DLG2: variants seen among roughly 807,000 people sequenced by gnomAD.
DLG2 encodes the protein disks large homolog 2.
A neutral mutation model predicts 132.5 loss-of-function variants in DLG2; 45 were observed. The observed-to-expected ratio is 0.34, with a 90% CI of 0.27 to 0.44. DLG2 has a LOEUF of 0.44. Ranked by LOEUF, DLG2 falls within the 20% of genes least tolerant of loss-of-function variation. DLG2 has a pLI of 1.00. For missense variants in DLG2, 1,045 were observed against 1,196.9 expected, an observed-to-expected ratio of 0.87 and a Z score of 1.87; for synonymous variants, 424 against 419.6, an observed-to-expected ratio of 1.01 and a Z score of -0.13.
At position 84,714,597 on chromosome 11, in the gene DLG2, CTT is replaced by C. The variant is rs1491204753; in HGVS notation, c.358-179868_358-179867del. 6.8e-3 allele frequency among the ~76,000 whole-genome samples: 750 copies of C among 109,880 alleles called. 29 individuals are homozygous for C. Among genetic ancestry groups the C allele is most frequent in the African/African-American group, 0.031 (707 of 22,582 alleles). The allele number at this position is 109,880 out of a possible 152,430, so 72.1% of individuals were successfully genotyped here. On this transcript the variant is annotated intron_variant, in intron 6 of 27. Coordinates refer to ENST00000376104, the MANE Select transcript of DLG2 (RefSeq NM_001142699.3). Reference sequence around the variant, plus strand: ...TCTCTTTCTCTTTCTCTTTCTCTTTCTTTCTCTTTCTCTTTCTCTTTCTCTTT... The same window carrying C: ...TCTCTTTCTCTTTCTCTTTCTCTTTCTCTCTTTCTCTTTCTCTTTCTCTTT...
In DLG2 at chr11:85,200,579, G is replaced by C. The variant is rs544157407; in HGVS notation, c.187-45928C>G. On this transcript the variant is annotated intron_variant, in intron 4 of 27. Transcript: ENST00000376104. ...AACTACCCCATCTATGCAGGGACTT[G>C]CTGGGAGATGAATATTTCTCTGAGC... is the stretch of plus-strand genomic sequence containing the variant. Among the ~76,000 whole-genome samples, 3 of 152,262 alleles carry C rather than the reference G, an allele frequency of 2.0e-5. No individual in the cohort carries two copies. The South Asian group carries it at 6.2e-4, about 32-fold the overall frequency.
intron 8 of DLG2, among the ~76,000 whole-genome samples, chr11:84,194,382 C>G (rs1354847578): frequency 2.0e-4 from 30 of 152,134 alleles, no homozygotes; most frequent in Admixed American, 2.0e-3. Context: ...TTGCTGGCCT[C>G]AGGAGTGAGG....
intron 6 of DLG2, among the ~76,000 whole-genome samples, chr11:84,746,251 G>GAA (rs369130410): frequency 4.4e-5 from 4 of 91,050 alleles, no homozygotes; most frequent in Non-Finnish European, 4.8e-5. Flanking sequence ...GATATGAAAA[G>GAA]AAAAAAAAAA....
chr11:84,614,097 T>C (rs1025354002), intron 6 of DLG2, among the ~76,000 whole-genome samples: 4 of 152,238 alleles, frequency 2.6e-5, no homozygotes, highest in Non-Finnish European at 5.9e-5. Flanking sequence ...TATTCAATCA[T>C]TTATTAATTT....
At chr11:85,153,102 A>G (rs928884550) in intron 5 of DLG2, among the ~76,000 whole-genome samples, 17 of 152,186 alleles carry the variant, frequency 1.1e-4, no homozygotes, top group South Asian at 2.1e-4. Context: ...TTACTATAGT[A>G]TAGTAACAAT....
At chr11:84,443,314 A>C (rs181226306) in intron 7 of DLG2, among the ~76,000 whole-genome samples, 88 of 147,242 alleles carry the variant, frequency 6.0e-4, no homozygotes, top group African/African-American at 2.3e-3. Context: ...AGTTCTTCAT[A>C]ATATAGGTAA....
chr11:84,760,731 T>C (rs1212400337), intron 6 of DLG2, among the ~76,000 whole-genome samples: 2 of 152,134 alleles, frequency 1.3e-5, no homozygotes, highest in Admixed American at 6.5e-5. Flanking sequence ...TATACTAATA[T>C]GAACAGGAGA....
chr11:84,490,262 T>C (rs1312964136), intron 7 of DLG2, among the ~76,000 whole-genome samples: 1 of 152,144 alleles, frequency 6.6e-6, no homozygotes, highest in Non-Finnish European at 1.5e-5. Flanking sequence ...GCCTAAGACA[T>C]CTGGTTAATA....
rs144732706 is a variant in DLG2, at chr11:83,587,331, T to C, written c.1941-45473A>G. On this transcript the variant is annotated intron_variant, in intron 19 of 27. Coordinates refer to ENST00000376104, the MANE Select transcript of DLG2 (RefSeq NM_001142699.3). ...TGTCACACAGGCTAGAGTACAATGG[T>C]GCAATCTCAGCTCACTGCAACCTCA... is the stretch of plus-strand genomic sequence containing the variant. Among the ~76,000 whole-genome samples, 15 of 152,120 alleles carry C rather than the reference T, an allele frequency of 9.9e-5. 1 individual carries two copies. The South Asian group carries it at 1.9e-3, about 19-fold the overall frequency.
chr11:83,633,001 A>G (rs923026178), intron 19 of DLG2: 5 of 526,508 alleles, frequency 9.5e-6, no homozygotes, highest in East Asian at 6.0e-5. Flanking sequence ...TTGCCAAAGA[A>G]TAACTTGATA....
At chr11:84,636,576 T>C (rs2099640818) in intron 6 of DLG2, among the ~76,000 whole-genome samples, 1 of 152,186 alleles carries the variant, frequency 6.6e-6, no homozygotes, top group Non-Finnish European at 1.5e-5. Context: ...ATGACGGTTT[T>C]TATTATGCTA....
intron 14 of DLG2, among the ~76,000 whole-genome samples, chr11:83,938,039 A>G (rs1270327006): frequency 1.3e-5 from 2 of 152,216 alleles, no homozygotes; most frequent in African/African-American, 2.4e-5. Context: ...GTGATTTGTT[A>G]TAACAGCAAA....
At chr11:83,644,190 T>C (rs2153492446) in intron 18 of DLG2, among the ~76,000 whole-genome samples, 1 of 152,280 alleles carries the variant, frequency 6.6e-6, no homozygotes, top group South Asian at 2.1e-4. Flanking sequence ...TATTTATCTG[T>C]AAGTACTTGC....
intron 9 of DLG2, among the ~76,000 whole-genome samples, chr11:84,135,432 T>C (rs1156537942): frequency 1.3e-5 from 2 of 152,114 alleles, no homozygotes; most frequent in Admixed American, 6.6e-5. Context: ...CAACAAGTAC[T>C]GGACAGGGGT....
In DLG2 at chr11:83,920,624, T is replaced by C. The variant is rs1054230274; in HGVS notation, c.1496+9704A>G. Among the ~76,000 whole-genome samples, 17 of 152,158 alleles carry C rather than the reference T, an allele frequency of 1.1e-4. 1 individual carries two copies. Among genetic ancestry groups the C allele is most frequent in the African/African-American group, 3.1e-4 (13 of 41,446 alleles). On this transcript the variant is annotated intron_variant, in intron 15 of 27. Transcript: ENST00000376104. ...ATACATCATCTCACATATACAAATA[T>C]AATGATAGCTAAAATTTATGGAGCA... is the stretch of plus-strand genomic sequence containing the variant.
At chr11:84,416,353 G>A (rs2098929674) in intron 7 of DLG2, among the ~76,000 whole-genome samples, 1 of 152,180 alleles carries the variant, frequency 6.6e-6, no homozygotes, top group Admixed American at 6.5e-5. Context: ...TGTGTGCTGA[G>A]ATGTCTATGG....
intron 3 of DLG2, among the ~76,000 whole-genome samples, chr11:85,523,868 G>T (rs929777473): frequency 6.6e-6 from 1 of 152,082 alleles, no homozygotes; most frequent in African/African-American, 2.4e-5. Context: ...AGAAAATGCG[G>T]TACATATACA....
chr11:83,985,388 A>G (rs1462932190), intron 11 of DLG2, among the ~76,000 whole-genome samples: 1 of 151,968 alleles, frequency 6.6e-6, no homozygotes, highest in African/African-American at 2.4e-5. Context: ...CATATGCAAT[A>G]TGTCCAGGTT....
intron 18 of DLG2, among the ~76,000 whole-genome samples, chr11:83,734,775 T>C (rs2091659225): frequency 6.6e-6 from 1 of 152,088 alleles, no homozygotes; most frequent in South Asian, 2.1e-4. Flanking sequence ...AAAAATAAAA[T>C]AGAAACTTCA....
Sources: gnomAD v4.1 joint callset for allele counts (sites outside exome capture counted in the v4.1 genomes callset) on GRCh38, gnomAD v4.1.1 for gene constraint, MANE v1.5 for transcripts, NCBI Gene and HGNC (gene_info 2026-07-23, HGNC 2026-07-21) for gene names.